The following WWP1 variants were observed in gnomAD, a reference collection of about 807,000 sequenced individuals.
WWP1 encodes the protein WW domain containing E3 ubiquitin protein ligase 1.
In WWP1, 49 loss-of-function variants were observed where a neutral mutation model predicts 130.6. That is an observed-to-expected ratio of 0.38 (90% CI 0.30 to 0.48). The LOEUF is 0.48. WWP1 is among the 20% of genes least tolerant of loss of function. The pLI is 0.99. For missense variants in WWP1, 809 were observed against 1,100.6 expected, an observed-to-expected ratio of 0.74 and a Z score of 3.75; for synonymous variants, 332 against 367.8, an observed-to-expected ratio of 0.90 and a Z score of 1.11.
Position 86,435,713 on chromosome 8 carries a change from G to C in WWP1, c.1749+9G>C, listed in dbSNP as rs1216043479. 3 of 1,610,442 alleles carry C rather than the reference G, an allele frequency of 1.9e-6. No individual in the cohort carries two copies. The highest frequency in any genetic ancestry group is 2.5e-6 in the Non-Finnish European group (3 of 1,178,936). ...AAGATTCCTTCCAACAGGTAAGGAG[G>C]ATTTTAGCAGAATAAAACACCATTT... is the stretch of plus-strand genomic sequence containing the variant. On this transcript the variant is annotated intron_variant, in intron 16 of 24. Coordinates refer to ENST00000517970, the MANE Select transcript of WWP1 (RefSeq NM_007013.4).
At chr8:86,440,722 C>A (rs1209027335) in intron 17 of WWP1, 1 of 455,434 alleles carries the variant, frequency 2.2e-6, no homozygotes, top group East Asian at 7.0e-5. Context: ...TCTTCAGGAA[C>A]ATCAGTCATG....
At chr8:86,435,742 T>C (rs374426200) in intron 16 of WWP1, 38 bp downstream of exon 16, 41 of 1,587,924 alleles carry the variant, frequency 2.6e-5, no homozygotes, top group Non-Finnish European at 3.3e-5. Flanking sequence ...ACCATTTGTC[T>C]CATTGTATTC....
Position 86,442,787 on chromosome 8 carries a change from C to T in WWP1, c.1998+9C>T. The T allele has an allele frequency of 1.3e-6, 2 of 1,586,186 alleles. No individual in the cohort carries two copies. Among genetic ancestry groups the T allele is most frequent in the Non-Finnish European group, 1.7e-6 (2 of 1,171,672 alleles). On this transcript the variant is annotated intron_variant, in intron 18 of 24. Coordinates refer to ENST00000517970, the MANE Select transcript of WWP1 (RefSeq NM_007013.4). ...GTCGTTTTATTGCCATGGTGAGTTC[C>T]TGACTTTATTATTATTTATTTAAGT...
chr8:86,433,297 T>C (rs1174662263), intron 14 of WWP1, among the ~76,000 whole-genome samples: 1 of 150,660 alleles, frequency 6.6e-6, no homozygotes, highest in Non-Finnish European at 1.5e-5. Context: ...ATTATGCTTT[T>C]AAAACATGTG....
chr8:86,349,707 C>G (rs945131014), intron 1 of WWP1, among the ~76,000 whole-genome samples: 3 of 151,944 alleles, frequency 2.0e-5, no homozygotes, highest in Admixed American at 6.6e-5. Flanking sequence ...CATTTGTGGC[C>G]TCTGAGGTTT....
At chr8:86,434,554 C>G (rs79558492) in intron 14 of WWP1, among the ~76,000 whole-genome samples, 11,716 of 152,202 alleles carry the variant, frequency 0.077, 1,495 homozygotes, top group African/African-American at 0.27. Flanking sequence ...TCATATCACT[C>G]CTTATACTTT....
At chr8:86,458,083 T>C (rs896324252) in intron 22 of WWP1, 58 bp downstream of exon 22, 19 of 1,424,256 alleles carry the variant, frequency 1.3e-5, no homozygotes, top group Non-Finnish European at 1.8e-5. Flanking sequence ...AATGAAATGG[T>C]GGTTTTAAAA....
At chr8:86,449,729 C>T (rs1811072379) in intron 20 of WWP1, among the ~76,000 whole-genome samples, 1 of 152,214 alleles carries the variant, frequency 6.6e-6, no homozygotes, top group East Asian at 1.9e-4. Flanking sequence ...TTTTCACCCT[C>T]TTAGATGCTA....
chr8:86,442,658 A>G lies in WWP1; in HGVS notation c.1878A>G (p.Pro626=). The G allele has an allele frequency of 6.2e-7, 1 of 1,610,714 alleles. No homozygotes were observed. Among genetic ancestry groups the G allele is most frequent in the Admixed American group, 1.7e-5 (1 of 59,638 alleles). The change falls in exon 18 of 25, where the codon CCA becomes CCG. Residue 626 remains proline, a synonymous_variant. Coordinates refer to ENST00000517970, the MANE Select transcript of WWP1 (RefSeq NM_007013.4). The stretch of plus-strand genomic sequence containing the variant: ...TGCTTTCACATGAAGTTTTGAACCC[A>G]ATGTATTGCTTATTTGAGTATGCGG... ...FFLLSHEVLN[P]MYCLFEYAGK...
intron 1 of WWP1, among the ~76,000 whole-genome samples, chr8:86,362,086 A>ACATATATATATACACTAGG (rs1205492155): frequency 7.7e-6 from 1 of 129,536 alleles, no homozygotes; most frequent in Admixed American, 7.4e-5. Context: ...ATATATACAC[A>ACATATATATATACACTAGG]CATATATATA....
At chr8:86,443,321 G>T (rs1453492591) in intron 18 of WWP1, among the ~76,000 whole-genome samples, 2 of 152,110 alleles carry the variant, frequency 1.3e-5, no homozygotes, top group Non-Finnish European at 2.9e-5. Flanking sequence ...TGATCCGCCT[G>T]TCTCGGCCTC....
chr8:86,435,376 C>T, intron 14 of WWP1, 76 bp from the exon 15 acceptor site: 2 of 1,466,204 alleles, frequency 1.4e-6, no homozygotes, highest in East Asian at 2.4e-5. Flanking sequence ...GACTTTAGTA[C>T]ACTCTGATTT....
chr8:86,406,662 A>G (rs1000845582), intron 8 of WWP1, among the ~76,000 whole-genome samples: 3 of 151,168 alleles, frequency 2.0e-5, no homozygotes, highest in South Asian at 2.1e-4. Context: ...CTGTGTGTGT[A>G]TGTGTGTGTG....
chr8:86,466,850 TTC>T lies in WWP1; in HGVS notation c.2728_2729del (p.Leu910PhefsTer36), dbSNP rs745853034. 17 of 1,606,606 alleles carry T rather than the reference TTC, an allele frequency of 1.1e-5. No individual in the cohort carries two copies. Among genetic ancestry groups the T allele is most frequent in the Non-Finnish European group, 2.5e-6 (3 of 1,178,208 alleles). On this transcript the variant is annotated frameshift_variant, in exon 25 of 25. Transcript: ENST00000517970. LOFTEE classifies it high-confidence loss of function. The stretch of plus-strand genomic sequence containing the variant: ...AGTTATGAACAACTAAAGGAAAAAC[TTC>T]TTTTTGCAATAGAAGAGACAGAGGG...
intron 1 of WWP1, among the ~76,000 whole-genome samples, chr8:86,355,427 C>T (rs1823197074): frequency 6.6e-6 from 1 of 151,998 alleles, no homozygotes; most frequent in Non-Finnish European, 1.5e-5. Context: ...ATGTGTATTT[C>T]AAGAATGCCA....
intron 21 of WWP1, among the ~76,000 whole-genome samples, chr8:86,454,899 T>C (rs1226269967): frequency 6.6e-6 from 1 of 151,948 alleles, no homozygotes; most frequent in East Asian, 1.9e-4. Flanking sequence ...CAGTTAAGAG[T>C]GCTAATCAAT....
At chr8:86,459,459 G>C (rs956137523) in intron 22 of WWP1, among the ~76,000 whole-genome samples, 1 of 152,170 alleles carries the variant, frequency 6.6e-6, no homozygotes, top group Non-Finnish European at 1.5e-5. Context: ...TGGTTAAAAA[G>C]TTATTGTCTG....
intron 5 of WWP1, among the ~76,000 whole-genome samples, chr8:86,382,971 T>C (rs552823644): frequency 1.7e-4 from 26 of 152,310 alleles, no homozygotes; most frequent in Non-Finnish European, 3.1e-4. Context: ...AAAAGGTTCT[T>C]TCTGCAAATC....
Position 86,427,634 on chromosome 8 carries a change from T to C in WWP1, c.1158-9T>C, listed in dbSNP as rs753454818. 4 of 1,592,716 alleles carry C rather than the reference T, an allele frequency of 2.5e-6. No homozygotes were observed. In the Admixed American group the frequency reaches 6.9e-5, roughly 27 times the overall value. ...GAGATTATTGTTTATTATTGTTTAC[T>C]TGTGGTAGTTGGGAAAGAAGAGTTG... On this transcript the variant is annotated splice_polypyrimidine_tract_variant and intron_variant, in intron 10 of 24. Coordinates refer to ENST00000517970, the MANE Select transcript of WWP1 (RefSeq NM_007013.4).
Sources: gnomAD v4.1 joint callset for allele counts (sites outside exome capture counted in the v4.1 genomes callset) on GRCh38, gnomAD v4.1.1 for gene constraint, MANE v1.5 for transcripts, NCBI Gene and HGNC (gene_info 2026-07-23, HGNC 2026-07-21) for gene names.